The following NEMP2 variants were observed in gnomAD, a reference collection of about 807,000 sequenced individuals.
NEMP2 encodes the protein nuclear envelope integral membrane protein 2.
In NEMP2, 53 loss-of-function variants were observed where a neutral mutation model predicts 54.2. That is an observed-to-expected ratio of 0.98 (90% CI 0.78 to 1.23). The LOEUF (loss-of-function observed/expected upper bound fraction) is 1.23. Ranked by LOEUF, NEMP2 falls within the 50% of genes most tolerant of loss-of-function variation. The pLI is 0.00. For synonymous variants in NEMP2, 197 were observed against 190.3 expected, an observed-to-expected ratio of 1.04 and a Z score of -0.29; for missense variants, 455 against 511.3, an observed-to-expected ratio of 0.89 and a Z score of 1.06.
the NEMP2 span, among the ~76,000 whole-genome samples, chr2:190,618,470 T>C: frequency 1.3e-3 from 197 of 152,274 alleles, 4 homozygotes; most frequent in African/African-American, 4.7e-3. Flanking sequence ...TGTATCTCAA[T>C]CCCTTCTGCT....
the NEMP2 span, among the ~76,000 whole-genome samples, chr2:190,461,961 T>A: frequency 6.6e-6 from 1 of 152,112 alleles, no homozygotes; most frequent in Admixed American, 6.5e-5. This position sits in a 1 kb window ranked among gnomAD's most constrained non-coding sequence, Gnocchi z 5.5. Flanking sequence ...TTGACAGTAC[T>A]TTTTTCCCTA....
the NEMP2 span, among the ~76,000 whole-genome samples, chr2:190,621,268 G>T: frequency 6.6e-6 from 1 of 152,206 alleles, no homozygotes; most frequent in Non-Finnish European, 1.5e-5. Context: ...ATATGGCATA[G>T]CCTATTGCTC....
chr2:190,591,482 T>C, the NEMP2 span, among the ~76,000 whole-genome samples: 7 of 152,270 alleles, frequency 4.6e-5, no homozygotes, highest in South Asian at 1.5e-3. This position sits in a 1 kb window ranked among gnomAD's most constrained non-coding sequence, Gnocchi z 5.4. Context: ...TGCGTGTGTG[T>C]GCGTGTGTGT....
the NEMP2 span, among the ~76,000 whole-genome samples, chr2:190,556,784 C>T: frequency 6.6e-6 from 1 of 152,172 alleles, no homozygotes; most frequent in South Asian, 2.1e-4. Flanking sequence ...TGAAGGACCT[C>T]TTCAAGGAGA....
chr2:190,485,841 C>T, the NEMP2 span, among the ~76,000 whole-genome samples: 2 of 150,942 alleles, frequency 1.3e-5, no homozygotes, highest in Admixed American at 1.3e-4. The surrounding 1 kb of genome is among the most constrained non-coding windows in gnomAD (Gnocchi z 5.1). Context: ...ATGACTGAAA[C>T]ATATATAAAA....
the NEMP2 span, among the ~76,000 whole-genome samples, chr2:190,450,017 TAATAA>T: frequency 3.3e-5 from 5 of 151,772 alleles, no homozygotes; most frequent in African/African-American, 4.8e-5. Flanking sequence ...AGTATAATAA[TAATAA>T]AATAAAATTA....
chr2:190,597,737 C>T, the NEMP2 span, among the ~76,000 whole-genome samples: 7 of 152,080 alleles, frequency 4.6e-5, no homozygotes, highest in South Asian at 2.1e-4. This position sits in a 1 kb window ranked among gnomAD's most constrained non-coding sequence, Gnocchi z 4.7. Context: ...TTATTTATCA[C>T]GATGCTTTCT....
the NEMP2 span, chr2:190,435,320 T>C: frequency 6.6e-6 from 1 of 152,264 alleles, no homozygotes; most frequent in Non-Finnish European, 1.5e-5. Context: ...TGATACAGAG[T>C]GCTAAATAAG....
At chr2:190,436,467 C>A in the NEMP2 span, 1 of 1,614,020 alleles carries the variant, frequency 6.2e-7, no homozygotes, top group Non-Finnish European at 8.5e-7. This position sits in a 1 kb window ranked among gnomAD's most constrained non-coding sequence, Gnocchi z 5.3. Flanking sequence ...TTTTATTCAA[C>A]CTGGGCATTG....
At chr2:190,565,050 G>GT in the NEMP2 span, among the ~76,000 whole-genome samples, 1 of 152,148 alleles carries the variant, frequency 6.6e-6, no homozygotes, top group African/African-American at 2.4e-5. Context: ...GGAGTGCAAA[G>GT]TTTGAGATAA....
the NEMP2 span, chr2:190,437,299 C>A: frequency 6.2e-7 from 1 of 1,614,256 alleles, no homozygotes; most frequent in Non-Finnish European, 8.5e-7. The surrounding 1 kb of genome is among the most constrained non-coding windows in gnomAD (Gnocchi z 5.9). Context: ...TGAGGAGACA[C>A]CAACCACCAC....
At chr2:190,640,343 AT>A in the NEMP2 span, among the ~76,000 whole-genome samples, 4 of 151,764 alleles carry the variant, frequency 2.6e-5, no homozygotes, top group African/African-American at 7.3e-5. Flanking sequence ...AAGGTTGTTT[AT>A]TTTTTTTACC....
At position 190,516,386 on chromosome 2, in the gene NEMP2, T is replaced by C; in HGVS notation, c.613-2A>G. On this transcript the variant is annotated splice_acceptor_variant, in intron 5 of 8. Coordinates refer to ENST00000409150, the MANE Select transcript of NEMP2 (RefSeq NM_001142645.2). LOFTEE classifies it high-confidence loss of function. Reference sequence around the variant, plus strand: ...CATTAGAGCCCAAAAGGTGCTATACTGTGTGTGGAAGAAAATAAATGACAC... The same window carrying C: ...CATTAGAGCCCAAAAGGTGCTATACCGTGTGTGGAAGAAAATAAATGACAC... The C allele has an allele frequency of 1.3e-6, 2 of 1,535,992 alleles. No individual in the cohort carries two copies.
chr2:190,560,915 G>C, the NEMP2 span, among the ~76,000 whole-genome samples: 1 of 152,160 alleles, frequency 6.6e-6, no homozygotes, highest in African/African-American at 2.4e-5. This position sits in a 1 kb window ranked among gnomAD's most constrained non-coding sequence, Gnocchi z 5.4. Context: ...TACTGTATTT[G>C]TTGGTACAAT....
chr2:190,532,656 G>A (rs934526646), intron 1 of NEMP2, among the ~76,000 whole-genome samples: 1 of 152,198 alleles, frequency 6.6e-6, no homozygotes, highest in African/African-American at 2.4e-5. Flanking sequence ...TGTTATTCAA[G>A]ACAAAATTTT....
At chr2:190,639,660 T>C in the NEMP2 span, among the ~76,000 whole-genome samples, 2 of 151,890 alleles carry the variant, frequency 1.3e-5, no homozygotes, top group Non-Finnish European at 2.9e-5. Context: ...TTTTTTGTTT[T>C]TGTTTTTTGA....
the NEMP2 span, among the ~76,000 whole-genome samples, chr2:190,458,772 G>C: frequency 6.6e-6 from 1 of 152,198 alleles, no homozygotes; most frequent in Non-Finnish European, 1.5e-5. The surrounding 1 kb of genome is among the most constrained non-coding windows in gnomAD (Gnocchi z 5.3). Context: ...CAATTGAGAA[G>C]TCCAGCAAAT....
chr2:190,477,319 C>G, the NEMP2 span: 2 of 984,742 alleles, frequency 2.0e-6, no homozygotes, highest in Non-Finnish European at 2.4e-6. Context: ...CTATCCTGAC[C>G]TGGCTTAATT....
chr2:190,524,684 T>C (rs1290745816), intron 2 of NEMP2, among the ~76,000 whole-genome samples: 1 of 152,236 alleles, frequency 6.6e-6, no homozygotes, highest in East Asian at 1.9e-4. Context: ...TTACTAGTTT[T>C]ACCATTTTCA....
Sources: gnomAD v4.1 joint callset for allele counts (sites outside exome capture counted in the v4.1 genomes callset) on GRCh38, gnomAD v4.1.1 for gene constraint, Gnocchi (gnomAD v3.1) non-coding constraint, MANE v1.5 for transcripts, NCBI Gene and HGNC (gene_info 2026-07-23, HGNC 2026-07-21) for gene names.